Variants in GPHN observed in about 807,000 individuals in gnomAD.
The protein encoded by GPHN is gephyrin.
In GPHN, 17 loss-of-function variants were observed where a neutral mutation model predicts 95.5. That is an observed-to-expected ratio of 0.18 (90% CI 0.12 to 0.27). The LOEUF (loss-of-function observed/expected upper bound fraction) is 0.27, where lower values mean the gene tolerates loss of function less well. Ranked by LOEUF, GPHN falls within the 10% of genes least tolerant of loss-of-function variation. The pLI is 1.00. For synonymous variants in GPHN, 320 were observed against 322.5 expected (o/e 0.99, Z 0.08); for missense variants, 660 against 978.1 (o/e 0.67, Z 4.34).
At chr14:67,561,031 GACAA>G in the GPHN span, among the ~76,000 whole-genome samples, 1 of 152,144 alleles carries the variant, frequency 6.6e-6, no homozygotes, top group Non-Finnish European at 1.5e-5. Context: ...ACACCCGGCT[GACAA>G]ACATACATCT....
the GPHN span, among the ~76,000 whole-genome samples, chr14:67,659,036 A>G: frequency 6.6e-6 from 1 of 152,258 alleles, no homozygotes; most frequent in Non-Finnish European, 1.5e-5. Flanking sequence ...GACCAAATGC[A>G]GCACATTTAA....
chr14:67,255,162 A>T, the GPHN span, among the ~76,000 whole-genome samples: 1 of 152,128 alleles, frequency 6.6e-6, no homozygotes, highest in African/African-American at 2.4e-5. Flanking sequence ...AAAAAAAAAA[A>T]GTTCGAATCT....
the GPHN span, among the ~76,000 whole-genome samples, chr14:67,369,397 CA>C: frequency 6.6e-6 from 1 of 152,194 alleles, no homozygotes. Flanking sequence ...GAGAAATAGA[CA>C]AATCTATAAT....
chr14:67,075,683 A>G (rs890084096), intron 11 of GPHN, among the ~76,000 whole-genome samples: 4 of 152,218 alleles, frequency 2.6e-5, no homozygotes, highest in African/African-American at 9.6e-5. Flanking sequence ...TCCAACCTTC[A>G]TGGATGACTT....
At chr14:67,586,121 G>C in the GPHN span, 1 of 1,612,402 alleles carries the variant, frequency 6.2e-7, no homozygotes, top group Non-Finnish European at 8.5e-7. Context: ...CTGTTAAAAC[G>C]TTCTACTCTG....
At chr14:66,560,862 G>A (rs1293116241) in intron 1 of GPHN, among the ~76,000 whole-genome samples, 1 of 152,156 alleles carries the variant, frequency 6.6e-6, no homozygotes, top group Non-Finnish European at 1.5e-5. Context: ...CATTCGGTAT[G>A]ATATCAGCTG....
intron 9 of GPHN, chr14:66,996,260 T>A: frequency 8.4e-7 from 1 of 1,185,710 alleles, no homozygotes; most frequent in Non-Finnish European, 1.2e-6. Flanking sequence ...AATAACATGC[T>A]CGCCCTCACC....
chr14:66,528,109 G>A (rs1373111722), intron 1 of GPHN, among the ~76,000 whole-genome samples: 1 of 152,112 alleles, frequency 6.6e-6, no homozygotes, highest in Non-Finnish European at 1.5e-5. Context: ...CTAAGTCTCT[G>A]TAGGTCTCTA....
intron 1 of GPHN, among the ~76,000 whole-genome samples, chr14:66,589,111 G>C (rs552541376): frequency 6.6e-6 from 1 of 152,122 alleles, no homozygotes; most frequent in Non-Finnish European, 1.5e-5. Context: ...TTTCAACCCA[G>C]AATTGCATAT....
the GPHN span, among the ~76,000 whole-genome samples, chr14:67,502,205 C>T: frequency 6.6e-6 from 1 of 151,908 alleles, no homozygotes; most frequent in Non-Finnish European, 1.5e-5. Context: ...GTGGCATGCG[C>T]CTGTAGTCCC....
At chr14:66,831,157 G>T (rs570748187) in intron 4 of GPHN, among the ~76,000 whole-genome samples, 3 of 152,020 alleles carry the variant, frequency 2.0e-5, no homozygotes, top group South Asian at 4.2e-4. Context: ...GTTAATATTG[G>T]CCATTTTCAC....
chr14:67,706,040 G>A, the GPHN span: 1 of 152,210 alleles, frequency 6.6e-6, no homozygotes, highest in Non-Finnish European at 1.5e-5. Context: ...TTCTGGGCTT[G>A]TAGTGTATTG....
intron 2 of GPHN, among the ~76,000 whole-genome samples, chr14:66,749,039 C>G (rs1595774326): frequency 6.6e-6 from 1 of 152,040 alleles, no homozygotes; most frequent in Middle Eastern, 3.4e-3. Flanking sequence ...CCACCAGCAA[C>G]CATGGATATT....
chr14:66,779,724 T>C lies in GPHN; in HGVS notation c.201+3203T>C, dbSNP rs376887277. ...AATAATAGGATACCAGATTATAGGG[T>C]ATAAAATAAAGACTGGTAAGATAAA... is the stretch of plus-strand genomic sequence containing the variant. On this transcript the variant is annotated intron_variant, in intron 3 of 22. Transcript: ENST00000478722. 4.6e-5 allele frequency among the ~76,000 whole-genome samples: 7 copies of C among 152,168 alleles called. No individual in the cohort carries two copies. In the East Asian group the frequency reaches 1.4e-3, roughly 29 times the overall value.
chr14:67,398,647 T>C, the GPHN span, among the ~76,000 whole-genome samples: 1 of 145,606 alleles, frequency 6.9e-6, no homozygotes. Context: ...CTTCTCTTTA[T>C]TCCTGCCACC....
chr14:67,691,138 A>T, the GPHN span: 7 of 1,606,860 alleles, frequency 4.4e-6, no homozygotes, highest in Non-Finnish European at 6.0e-6. Context: ...CAGATTTCTT[A>T]CCCAAGTGGT....
At chr14:66,597,439 A>G (rs533622392) in intron 1 of GPHN, among the ~76,000 whole-genome samples, 33 of 152,288 alleles carry the variant, frequency 2.2e-4, no homozygotes, top group African/African-American at 7.9e-4. Flanking sequence ...GGCAGCATGG[A>G]GCTGGCGTAT....
At chr14:67,199,321 C>T in the GPHN span, 4 of 1,612,230 alleles carry the variant, frequency 2.5e-6, no homozygotes, top group Non-Finnish European at 3.4e-6. Flanking sequence ...TACGGGTGAA[C>T]AAGGCATCAG....
the GPHN span, among the ~76,000 whole-genome samples, chr14:67,643,096 C>A: frequency 6.6e-6 from 1 of 152,302 alleles, no homozygotes; most frequent in Middle Eastern, 3.4e-3. Flanking sequence ...AGCCACTGTG[C>A]CCAGCTGTGG....
Sources: allele counts gnomAD v4.1 joint callset (sites outside exome capture counted in the v4.1 genomes callset), GRCh38; gene constraint gnomAD v4.1.1; transcripts MANE v1.5; gene names NCBI Gene and HGNC (gene_info 2026-07-23, HGNC 2026-07-21).